The following PTPRG variants were observed in gnomAD, a reference collection of about 807,000 sequenced individuals.
PTPRG encodes receptor-type tyrosine-protein phosphatase gamma.
A neutral mutation model predicts 165.3 loss-of-function variants in PTPRG; 102 were observed. The ratio of observed to expected loss-of-function variants is 0.62; its 90% CI spans 0.53 to 0.73. The LOEUF (loss-of-function observed/expected upper bound fraction) is 0.73. Among genes scored for constraint, PTPRG ranks in the 30% least tolerant of loss-of-function variants. The pLI is 0.00. For missense variants in PTPRG, 1,866 were observed against 1,861.4 expected, an observed-to-expected ratio of 1.00 and a Z score of -0.05; for synonymous variants, 675 against 669.5, an observed-to-expected ratio of 1.01 and a Z score of -0.13.
At chr3:61,708,435 C>G (rs1031209919) in intron 1 of PTPRG, among the ~76,000 whole-genome samples, 1 of 142,542 alleles carries the variant, frequency 7.0e-6, no homozygotes, top group African/African-American at 2.6e-5. Flanking sequence ...ACTGGGCTCT[C>G]TGCAAATCTT....
chr3:61,927,868 A>G (rs1194998581), intron 2 of PTPRG, among the ~76,000 whole-genome samples: 3 of 152,096 alleles, frequency 2.0e-5, no homozygotes, highest in Non-Finnish European at 2.9e-5. Context: ...AGATTTCATC[A>G]TTGTTTGATT....
intron 28 of PTPRG, among the ~76,000 whole-genome samples, chr3:62,289,707 C>CT (rs200505444): frequency 7.1e-6 from 1 of 140,222 alleles, no homozygotes; most frequent in African/African-American, 2.6e-5. Flanking sequence ...ATCCCCCCCC[C>CT]CCAAAAAAAA....
chr3:61,735,939 G>T (rs1328223105), intron 1 of PTPRG, among the ~76,000 whole-genome samples: 3 of 145,976 alleles, frequency 2.1e-5, no homozygotes, highest in Admixed American at 6.9e-5. Context: ...ACAGCATCTC[G>T]CTCTGTTGCC....
rs563182855 is a variant in PTPRG, at chr3:61,600,032, C to T, written c.85+37660C>T. ...AAAATTAGCCAGGTGTGGTGGTGTA[C>T]ACCTGTAGTCCCAGCTAATCAAGAG... On this transcript the variant is annotated intron_variant, in intron 1 of 29. Transcript: ENST00000474889. Among the ~76,000 whole-genome samples the T allele has an allele frequency of 6.6e-5, 10 of 151,684 alleles. No homozygotes were observed. In the South Asian group the frequency reaches 2.1e-3, roughly 32 times the overall value.
intron 1 of PTPRG, among the ~76,000 whole-genome samples, chr3:61,600,184 A>ATGTG (rs1475629585): frequency 2.1e-5 from 2 of 97,364 alleles, no homozygotes; most frequent in African/African-American, 7.3e-5. Flanking sequence ...ATATATATAT[A>ATGTG]TATATATATG....
intron 1 of PTPRG, among the ~76,000 whole-genome samples, chr3:61,563,169 G>C (rs1699810525): frequency 1.1e-5 from 1 of 90,382 alleles, no homozygotes; most frequent in Admixed American, 1.2e-4. Context: ...GGGCGGTTTC[G>C]GCGGCCGGGT....
intron 1 of PTPRG, among the ~76,000 whole-genome samples, chr3:61,641,361 C>T (rs751372650): frequency 1.3e-5 from 2 of 152,156 alleles, no homozygotes; most frequent in Non-Finnish European, 2.9e-5. Flanking sequence ...GTGGAAATCT[C>T]GGGAGGGCAA....
intron 1 of PTPRG, among the ~76,000 whole-genome samples, chr3:61,587,838 AT>A (rs1322391740): frequency 1.3e-5 from 2 of 151,802 alleles, no homozygotes; most frequent in Non-Finnish European, 2.9e-5. Context: ...TAAAATTTAT[AT>A]TTGTAGAGGT....
intron 2 of PTPRG, among the ~76,000 whole-genome samples, chr3:61,983,116 T>C (rs981105564): frequency 2.0e-5 from 3 of 152,184 alleles, no homozygotes; most frequent in African/African-American, 4.8e-5. Flanking sequence ...ATGAATAAAG[T>C]AAAAATAGTG....
chr3:61,824,787 T>A (rs148408162), intron 2 of PTPRG, among the ~76,000 whole-genome samples: 329 of 152,354 alleles, frequency 2.2e-3, no homozygotes, highest in African/African-American at 4.6e-3. Flanking sequence ...CAAGACCTCA[T>A]GTCAAAACAA....
At chr3:61,674,159 A>G (rs116784549) in intron 1 of PTPRG, among the ~76,000 whole-genome samples, 2,964 of 149,096 alleles carry the variant, frequency 0.02, 65 homozygotes, top group Non-Finnish European at 0.023. Context: ...CTGCACATGT[A>G]TCCCAGAACA....
intron 4 of PTPRG, among the ~76,000 whole-genome samples, chr3:62,017,139 C>T (rs1220503722): frequency 1.3e-5 from 2 of 152,142 alleles, no homozygotes; most frequent in Non-Finnish European, 2.9e-5. Context: ...AGTCCCATAA[C>T]AGCGTAAGCA....
At chr3:61,892,781 G>T (rs973518351) in intron 2 of PTPRG, among the ~76,000 whole-genome samples, 2 of 150,850 alleles carry the variant, frequency 1.3e-5, no homozygotes, top group African/African-American at 4.9e-5. Flanking sequence ...GTGTCATTGC[G>T]CTCCAGCCTG....
At chr3:61,751,556 C>G (rs1001424935) in intron 2 of PTPRG, among the ~76,000 whole-genome samples, 10 of 152,174 alleles carry the variant, frequency 6.6e-5, no homozygotes, top group African/African-American at 2.4e-4. Context: ...ATTTTGAAGT[C>G]ATATAGACAA....
At chr3:62,215,723 CCT>C (rs1255140662) in intron 12 of PTPRG, among the ~76,000 whole-genome samples, 8 of 152,074 alleles carry the variant, frequency 5.3e-5, no homozygotes, top group Non-Finnish European at 1.2e-4. Context: ...GGGGCCTGAA[CCT>C]CTCTGAGAAT....
intron 4 of PTPRG, among the ~76,000 whole-genome samples, chr3:62,071,656 G>A (rs925770028): frequency 6.6e-6 from 1 of 152,158 alleles, no homozygotes; most frequent in African/African-American, 2.4e-5. Flanking sequence ...CAGACAATAG[G>A]CATTAAGCAA....
At chr3:61,641,094 C>T (rs1360342945) in intron 1 of PTPRG, among the ~76,000 whole-genome samples, 1 of 152,208 alleles carries the variant, frequency 6.6e-6, no homozygotes, top group Non-Finnish European at 1.5e-5. Context: ...TAATCTGAAG[C>T]TTGACTCTTT....
intron 2 of PTPRG, among the ~76,000 whole-genome samples, chr3:61,905,639 G>A (rs187021415): frequency 6.6e-6 from 1 of 152,222 alleles, no homozygotes; most frequent in Admixed American, 6.5e-5. Context: ...CTGTATTTCA[G>A]TTAAAGATCT....
chr3:62,230,002 G>A (rs1285526646), intron 13 of PTPRG, among the ~76,000 whole-genome samples: 1 of 152,206 alleles, frequency 6.6e-6, no homozygotes, highest in Non-Finnish European at 1.5e-5. Context: ...ACACACTCAT[G>A]ATTTCTTCAG....
Sources: allele counts gnomAD v4.1 joint callset (sites outside exome capture counted in the v4.1 genomes callset), GRCh38; gene constraint gnomAD v4.1.1; transcripts MANE v1.5; gene names NCBI Gene and HGNC (gene_info 2026-07-23, HGNC 2026-07-21).